Variants in NCKAP5 observed in about 807,000 individuals in gnomAD.
NCKAP5 encodes NCK associated protein 5.
NCKAP5 carries 92 observed loss-of-function variants against 167.0 expected under a neutral mutation model. That is an observed-to-expected ratio of 0.55 (90% CI 0.47 to 0.66). The LOEUF is 0.66. Ranked by LOEUF, NCKAP5 falls within the 30% of genes least tolerant of loss-of-function variation. The pLI, the probability that NCKAP5 is intolerant of heterozygous loss-of-function variation, is 0.00. For synonymous variants in NCKAP5, 891 were observed against 877.4 expected, an observed-to-expected ratio of 1.02 and a Z score of -0.27; for missense variants, 2,378 against 2,315.0, an observed-to-expected ratio of 1.03 and a Z score of -0.56.
chr2:133,262,296 T>C (rs1179330708), intron 4 of NCKAP5, among the ~76,000 whole-genome samples: 1 of 152,196 alleles, frequency 6.6e-6, no homozygotes, highest in Non-Finnish European at 1.5e-5. Flanking sequence ...ACATGTGTTC[T>C]TAGCAACATT....
intron 8 of NCKAP5, among the ~76,000 whole-genome samples, chr2:132,939,535 AT>A (rs59321347): frequency 4.0e-5 from 6 of 151,112 alleles, no homozygotes; most frequent in East Asian, 1.9e-4. Context: ...TGTAAGACCT[AT>A]TTTTTTTTAC....
At chr2:132,753,365 T>C (rs1371026002) in intron 16 of NCKAP5, among the ~76,000 whole-genome samples, 1 of 152,152 alleles carries the variant, frequency 6.6e-6, no homozygotes, top group African/African-American at 2.4e-5. Context: ...TACTTAGAAA[T>C]GAATCTGGTG....
intron 3 of NCKAP5, among the ~76,000 whole-genome samples, chr2:133,357,998 AT>A (rs1256772982): frequency 1.3e-5 from 2 of 151,990 alleles, no homozygotes; most frequent in Non-Finnish European, 2.9e-5. Context: ...TGCTCACACT[AT>A]TTCCTTTTCC....
At chr2:132,811,766 C>T (rs1208626063) in intron 11 of NCKAP5, among the ~76,000 whole-genome samples, 2 of 152,126 alleles carry the variant, frequency 1.3e-5, no homozygotes, top group South Asian at 2.1e-4. Context: ...GATTTGTGCC[C>T]TCCTCTGAGT....
chr2:132,909,947 C>T (rs1694314153), intron 8 of NCKAP5, among the ~76,000 whole-genome samples: 1 of 152,098 alleles, frequency 6.6e-6, no homozygotes, highest in African/African-American at 2.4e-5. Flanking sequence ...TCACAGTAAA[C>T]CTATGATGGA....
At chr2:133,423,011 A>G (rs1301693524) in intron 3 of NCKAP5, among the ~76,000 whole-genome samples, 1 of 152,152 alleles carries the variant, frequency 6.6e-6, no homozygotes, top group African/African-American at 2.4e-5. Context: ...ATTGCAAAAC[A>G]CAGCCTGGGG....
intron 19 of NCKAP5, among the ~76,000 whole-genome samples, chr2:132,697,555 G>A (rs1421785183): frequency 6.6e-6 from 1 of 151,374 alleles, no homozygotes; most frequent in Non-Finnish European, 1.5e-5. Context: ...GTTTTCTGTT[G>A]AGCCTTTGTG....
At chr2:132,692,905 G>C (rs1686909120) in intron 19 of NCKAP5, among the ~76,000 whole-genome samples, 1 of 152,154 alleles carries the variant, frequency 6.6e-6, no homozygotes, top group African/African-American at 2.4e-5. Context: ...CAGTGCACTT[G>C]GAACTGATGT....
At position 133,313,656 on chromosome 2, in the gene NCKAP5, T is replaced by A. The variant is rs552892161; in HGVS notation, c.70-10546A>T. 1.1e-3 allele frequency among the ~76,000 whole-genome samples: 167 copies of A among 152,234 alleles called. 1 individual carries two copies. Among genetic ancestry groups the A allele is most frequent in the African/African-American group, 3.9e-3 (164 of 41,554 alleles). The stretch of plus-strand genomic sequence containing the variant: ...TTCACTTATTTTGTTTTTGTTTTTT[T>A]TTTCTGAGGTAGAAATAAAAACTAA... On this transcript the variant is annotated intron_variant, in intron 3 of 19. Transcript: ENST00000409261.
chr2:133,145,400 A>G lies in NCKAP5; in HGVS notation c.208-15289T>C, dbSNP rs975421165. ...CAAACACCTAATGCATGCGGGGCTT[A>G]AAACCTAGATGATGGATTGATGGGT... is the stretch of plus-strand genomic sequence containing the variant. On this transcript the variant is annotated intron_variant, in intron 5 of 19. Transcript: ENST00000409261. 8.5e-5 allele frequency among the ~76,000 whole-genome samples: 13 copies of G among 152,244 alleles called. No individual in the cohort carries two copies. In the East Asian group the frequency reaches 2.5e-3, roughly 29 times the overall value.
intron 3 of NCKAP5, among the ~76,000 whole-genome samples, chr2:133,445,560 T>C (rs1559490456): frequency 6.6e-6 from 1 of 152,218 alleles, no homozygotes; most frequent in East Asian, 1.9e-4. Flanking sequence ...GACGTTTGGT[T>C]TGCAGGAAAT....
chr2:133,018,093 A>G (rs949707663), intron 6 of NCKAP5, among the ~76,000 whole-genome samples: 1 of 152,062 alleles, frequency 6.6e-6, no homozygotes, highest in Admixed American at 6.5e-5. Flanking sequence ...GCTCTGTAAC[A>G]CTATTTTATC....
chr2:133,334,287 A>G (rs1683067951), intron 3 of NCKAP5, among the ~76,000 whole-genome samples: 1 of 152,144 alleles, frequency 6.6e-6, no homozygotes, highest in Non-Finnish European at 1.5e-5. Context: ...ATGAATACAT[A>G]TAAAGCTGGC....
At chr2:133,175,724 C>G (rs773576207) in intron 5 of NCKAP5, among the ~76,000 whole-genome samples, 1 of 152,184 alleles carries the variant, frequency 6.6e-6, no homozygotes, top group Non-Finnish European at 1.5e-5. Context: ...CTGCCTCTGT[C>G]TCTTACTCTC....
At chr2:132,769,710 A>T (rs1681854686) in intron 16 of NCKAP5, among the ~76,000 whole-genome samples, 1 of 152,244 alleles carries the variant, frequency 6.6e-6, no homozygotes, top group African/African-American at 2.4e-5. Flanking sequence ...GGAAAGCAAC[A>T]TGCTAACTTT....
chr2:133,279,100 G>T (rs2089847153), intron 4 of NCKAP5, among the ~76,000 whole-genome samples: 1 of 152,118 alleles, frequency 6.6e-6, no homozygotes, highest in Non-Finnish European at 1.5e-5. Flanking sequence ...AGGAAAATTT[G>T]ACAATAAGCA....
the NCKAP5 span, among the ~76,000 whole-genome samples, chr2:133,587,205 A>C: frequency 9.2e-5 from 14 of 152,318 alleles, no homozygotes; most frequent in East Asian, 2.7e-3. Flanking sequence ...GCCGGGAGCC[A>C]GATTGCCAGG....
chr2:133,440,263 G>A (rs937209240), intron 3 of NCKAP5, among the ~76,000 whole-genome samples: 2 of 152,166 alleles, frequency 1.3e-5, no homozygotes, highest in African/African-American at 4.8e-5. Flanking sequence ...ATCTGTGGGA[G>A]CCTGAGTACG....
intron 16 of NCKAP5, among the ~76,000 whole-genome samples, chr2:132,772,869 T>C (rs775841232): frequency 6.6e-6 from 1 of 152,168 alleles, no homozygotes; most frequent in Non-Finnish European, 1.5e-5. Context: ...CCACAAAGTG[T>C]GCCAACATGG....
Sources: allele counts gnomAD v4.1 joint callset (sites outside exome capture counted in the v4.1 genomes callset), GRCh38; gene constraint gnomAD v4.1.1; transcripts MANE v1.5; gene names NCBI Gene and HGNC (gene_info 2026-07-23, HGNC 2026-07-21).